The following SAXO1 variants were observed in gnomAD, a reference collection of about 807,000 sequenced individuals.
The protein encoded by SAXO1 is 4930500O09Rik.
Under a neutral mutation model 17.5 loss-of-function variants are expected in SAXO1, and 21 were observed. That is an observed-to-expected ratio of 1.20 (90% confidence interval 0.85 to 1.72). SAXO1 has a LOEUF of 1.72. Ranked by LOEUF, SAXO1 falls within the 40% of genes most tolerant of loss-of-function variation. SAXO1 has a pLI of 0.00. For missense variants in SAXO1, 843 were observed against 596.0 expected (o/e 1.41, Z -4.32); for synonymous variants, 274 against 216.5 (o/e 1.27, Z -2.33).
chr9:18,992,967 A>G (rs1207259499), intron 1 of SAXO1, among the ~76,000 whole-genome samples: 1 of 151,882 alleles, frequency 6.6e-6, no homozygotes, highest in Non-Finnish European at 1.5e-5. Context: ...CACCCAGGTA[A>G]TTTTATATTT....
chr9:18,999,654 C>T (rs1834168098), intron 1 of SAXO1, among the ~76,000 whole-genome samples: 1 of 151,224 alleles, frequency 6.6e-6, no homozygotes, highest in Non-Finnish European at 1.5e-5. Flanking sequence ...CCGGCCGCCA[C>T]ACCGTCTGGG....
chr9:19,004,690 G>C (rs889053583), intron 1 of SAXO1, among the ~76,000 whole-genome samples: 1 of 152,108 alleles, frequency 6.6e-6, no homozygotes, highest in Non-Finnish European at 1.5e-5. Context: ...CACAGGGCGG[G>C]GAACATCACA....
intron 3 of SAXO1, among the ~76,000 whole-genome samples, chr9:18,936,709 T>C (rs1831308690): frequency 6.6e-6 from 1 of 152,172 alleles, no homozygotes; most frequent in African/African-American, 2.4e-5. Context: ...ATGTGGGTAA[T>C]TGGCAAGAAC....
intron 1 of SAXO1, among the ~76,000 whole-genome samples, chr9:19,023,601 C>T (rs144733119): frequency 1.5e-3 from 222 of 152,208 alleles, no homozygotes; most frequent in Admixed American, 2.4e-3. Context: ...TGCCACTTCT[C>T]GTAGTCAATC....
At chr9:18,977,467 T>C (rs1418107255) in intron 1 of SAXO1, among the ~76,000 whole-genome samples, 1 of 152,218 alleles carries the variant, frequency 6.6e-6, no homozygotes, top group Non-Finnish European at 1.5e-5. Context: ...TGTCTAAGGC[T>C]TACAGAGGTT....
At chr9:19,036,267 A>C (rs1445992517), upstream of SAXO1, among the ~76,000 whole-genome samples, 1 of 150,954 alleles carries the variant, frequency 6.6e-6, no homozygotes, top group Non-Finnish European at 1.5e-5. Flanking sequence ...AAAAAAAAAA[A>C]AAGAAAGAAA....
chr9:18,967,460 TAG>T (rs375867036), intron 1 of SAXO1, among the ~76,000 whole-genome samples: 165 of 152,330 alleles, frequency 1.1e-3, no homozygotes, highest in African/African-American at 3.9e-3. Flanking sequence ...AGGAGGAATC[TAG>T]AGAGGCTGTC....
chr9:18,987,890 C>T (rs988256774), intron 1 of SAXO1, among the ~76,000 whole-genome samples: 20 of 137,940 alleles, frequency 1.4e-4, no homozygotes, highest in African/African-American at 2.3e-4. Context: ...GAGTGAGACC[C>T]TGTCTCAAAA....
chr9:18,943,210 G>A (rs1199282936), intron 2 of SAXO1, among the ~76,000 whole-genome samples: 1 of 152,224 alleles, frequency 6.6e-6, no homozygotes, highest in Non-Finnish European at 1.5e-5. Context: ...CTCTAAGGAG[G>A]AAATGGGAGA....
rs1830907972 is a variant in SAXO1 at position 18,928,856 on chromosome 9, G to T, written c.621C>A (p.Tyr207Ter). The T allele has an allele frequency of 6.2e-7, 1 of 1,614,160 alleles. No individual in the cohort carries two copies. The highest frequency in any genetic ancestry group is 8.5e-7 in the Non-Finnish European group (1 of 1,180,036). ...CGGGGTGGGCCACATAGCTCATCTT[G>T]TAGTTAGTCACATCCTCCAAGGGGA... Reference protein sequence around the residue: ...CNIPLEDVTNYKMSYVAHPVE... With the variant: ...CNIPLEDVTN Residue 207 changes from tyrosine to a stop codon, truncating the protein, a stop_gained, in exon 4 of 4, where the codon TAC (tyrosine) becomes TAA (stop). Transcript: ENST00000380534. LOFTEE classifies it low-confidence loss of function (END_TRUNC).
In SAXO1 at chr9:18,928,902, G is replaced by A; in HGVS notation, c.575C>T (p.Ala192Val). ...LVKTISCKPL[A>V]MPKLCNIPLE... ...GGGGATGTTACAGAGCTTTGGCATGGCCAGAGGTTTACAGCTTATGGTCTT... is the reference window on the plus strand; with the variant it reads ...GGGGATGTTACAGAGCTTTGGCATGACCAGAGGTTTACAGCTTATGGTCTT... The change falls in exon 4 of 4, where the codon GCC becomes GTC. Residue 192 changes from alanine to valine, a missense_variant. By Grantham distance (64) the Ala-to-Val change is moderately conservative (BLOSUM62 0). Coordinates refer to ENST00000380534, the MANE Select transcript of SAXO1 (RefSeq NM_153707.4). The A allele has an allele frequency of 6.2e-7, 1 of 1,614,178 alleles. No homozygotes were observed.
chr9:19,025,513 A>G (rs1035043232), intron 1 of SAXO1, among the ~76,000 whole-genome samples: 1 of 152,226 alleles, frequency 6.6e-6, no homozygotes, highest in African/African-American at 2.4e-5. Context: ...TAAGTTGCAG[A>G]TACATGGCTG....
intron 1 of SAXO1, among the ~76,000 whole-genome samples, chr9:19,020,802 A>G (rs1835197989): frequency 1.3e-5 from 2 of 152,250 alleles, no homozygotes; most frequent in South Asian, 4.1e-4. Context: ...AAAGCTAACA[A>G]TAGAGTTCTA....
chr9:19,015,569 C>G (rs1233560167), intron 1 of SAXO1, among the ~76,000 whole-genome samples: 1 of 151,884 alleles, frequency 6.6e-6, no homozygotes, highest in Non-Finnish European at 1.5e-5. Context: ...GTCTCAAACT[C>G]CTAACCTCGA....
intron 1 of SAXO1, among the ~76,000 whole-genome samples, chr9:19,004,939 G>A (rs79248304): frequency 0.016 from 2,408 of 152,182 alleles, 51 homozygotes; most frequent in African/African-American, 0.055. Context: ...ATGAACCCAG[G>A]AAAGAGGTGC....
chr9:19,029,935 TAAAGA>T (rs1453131997), intron 1 of SAXO1, among the ~76,000 whole-genome samples: 3 of 152,200 alleles, frequency 2.0e-5, no homozygotes, highest in African/African-American at 4.8e-5. Flanking sequence ...TAGCTGTTAA[TAAAGA>T]AAACTGTGTT....
intron 1 of SAXO1, among the ~76,000 whole-genome samples, chr9:18,993,887 C>G (rs1168496684): frequency 6.6e-6 from 1 of 152,184 alleles, no homozygotes; most frequent in African/African-American, 2.4e-5. Context: ...AGTCCAGAAT[C>G]CTAACCCCCA....
intron 1 of SAXO1, among the ~76,000 whole-genome samples, chr9:18,990,677 A>G (rs951752526): frequency 6.6e-6 from 1 of 152,188 alleles, no homozygotes; most frequent in Non-Finnish European, 1.5e-5. Context: ...GTGAAGCTTC[A>G]TCTGTATTTA....
At chr9:18,985,344 G>T (rs112412201) in intron 1 of SAXO1, among the ~76,000 whole-genome samples, 1 of 152,040 alleles carries the variant, frequency 6.6e-6, no homozygotes, top group East Asian at 1.9e-4. Context: ...TGAAGTGAGC[G>T]CATGGTATTG....
Sources: gnomAD v4.1 joint callset for allele counts (sites outside exome capture counted in the v4.1 genomes callset) on GRCh38, gnomAD v4.1.1 for gene constraint, MANE v1.5 for transcripts, NCBI Gene and HGNC (gene_info 2026-07-23, HGNC 2026-07-21) for gene names.